The following CREBBP variants were observed in gnomAD, a reference collection of about 807,000 sequenced individuals.
The protein encoded by CREBBP is CREB-binding protein.
Under a neutral mutation model 265.0 loss-of-function variants are expected in CREBBP, and 19 were observed. The ratio of observed to expected loss-of-function variants is 0.07; its 90% CI spans 0.05 to 0.11. The LOEUF is 0.11. CREBBP is among the 10% of genes least tolerant of loss of function. The pLI is 1.00. For missense variants in CREBBP, 2,525 were observed against 3,219.0 expected (o/e 0.78, Z 5.22); for synonymous variants, 1,457 against 1,223.7 (o/e 1.19, Z -3.98).
chr16:3,728,036 C>G lies in CREBBP; in HGVS notation c.7011G>C (p.Thr2337=), dbSNP rs377692518. 1 of 1,612,028 alleles carries G rather than the reference C, an allele frequency of 6.2e-7. No homozygotes were observed. Among genetic ancestry groups the G allele is most frequent in the African/African-American group, 1.3e-5 (1 of 74,986 alleles). ...GAGACCGCACCTGGTTACTAAGGGA[C>G]GTGGCGATCTGCTGGCCAGGGAGAT... ...ASHLPGQQIA[T]SLSNQVRSPA... is the part of the protein sequence containing the mutation. Residue 2337 remains threonine (T), a synonymous_variant, in exon 31 of 31, where the codon ACG becomes ACC. Coordinates refer to ENST00000262367, the MANE Select transcript of CREBBP (RefSeq NM_004380.3). This position sits in a 1 kb window ranked among gnomAD's most constrained non-coding sequence, Gnocchi z 8.7.
chr16:3,759,469 C>A (rs775696072), intron 16 of CREBBP, among the ~76,000 whole-genome samples: 6 of 151,958 alleles, frequency 3.9e-5, no homozygotes, highest in Non-Finnish European at 7.4e-5. Flanking sequence ...TTCCTATAAG[C>A]CCCGCTACTC....
At chr16:3,809,772 G>A (rs752454801) in intron 3 of CREBBP, among the ~76,000 whole-genome samples, 21 of 152,052 alleles carry the variant, frequency 1.4e-4, no homozygotes, top group African/African-American at 4.8e-4. Flanking sequence ...ATAAAAAACC[G>A]AAAGACAAAA....
intron 3 of CREBBP, among the ~76,000 whole-genome samples, chr16:3,805,330 T>C (rs1295321599): frequency 6.6e-6 from 1 of 152,218 alleles, no homozygotes; most frequent in Non-Finnish European, 1.5e-5. Context: ...AATTTTTCTA[T>C]AGACACTGTT....
At chr16:3,879,192 T>C (rs1444686367) in intron 1 of CREBBP, among the ~76,000 whole-genome samples, 7 of 151,688 alleles carry the variant, frequency 4.6e-5, no homozygotes, top group Admixed American at 3.3e-4. Flanking sequence ...AGTTTGGGTT[T>C]TGAAAAATGG....
In CREBBP at chr16:3,731,437, T is replaced by C. The variant is rs547109428; in HGVS notation, c.4927A>G (p.Ile1643Val). ...FVIHLHAGPV[I>V]NTLPPIVDPD... ...TCGACGATGGGGGGCAGGGTGTTGA[T>C]GACAGGCCCAGCGTGCAGGTGGATC... The change falls in exon 30 of 31, where the codon ATC (isoleucine) becomes GTC (valine). Residue 1643 changes from isoleucine to valine, a missense_variant. By Grantham distance (29) the Ile-to-Val change is conservative. Around this residue, in one of 19 missense-constraint regions of CREBBP, gnomAD observed 37 missense variants for 34.1 expected, o/e 1.09. Coordinates refer to ENST00000262367, the MANE Select transcript of CREBBP (RefSeq NM_004380.3). This position sits in a 1 kb window ranked among gnomAD's most constrained non-coding sequence, Gnocchi z 7.7. 1 of 1,600,638 alleles carries C rather than the reference T, an allele frequency of 6.2e-7. No individual in the cohort carries two copies. The highest frequency in any genetic ancestry group is 8.5e-7 in the Non-Finnish European group (1 of 1,174,556).
At chr16:3,868,768 T>TATA (rs2055231897) in intron 1 of CREBBP, among the ~76,000 whole-genome samples, 1 of 152,134 alleles carries the variant, frequency 6.6e-6, no homozygotes, top group African/African-American at 2.4e-5. Flanking sequence ...ACCACGGGAC[T>TATA]GCTCACCCAC....
intron 16 of CREBBP, chr16:3,767,432 C>A (rs977826942): frequency 9.3e-6 from 5 of 538,890 alleles, no homozygotes; most frequent in Middle Eastern, 5.0e-4. Flanking sequence ...AGGACCCAGA[C>A]ACATTTCAAC....
chr16:3,767,599 G>C (rs2052886165), intron 16 of CREBBP, 121 bp downstream of exon 16: 1 of 1,346,124 alleles, frequency 7.4e-7, no homozygotes, highest in Non-Finnish European at 1.0e-6. Context: ...GGAATGGCAG[G>C]CAAGAAAGGT....
Position 3,757,389 on chromosome 16 carries a change from A to G in CREBBP, c.3610-13T>C, listed in dbSNP as rs2052612192. 1 of 1,597,592 alleles carries G rather than the reference A, an allele frequency of 6.3e-7. No individual in the cohort carries two copies. The highest frequency in any genetic ancestry group is 8.6e-7 in the Non-Finnish European group (1 of 1,166,918). On this transcript the variant is annotated splice_polypyrimidine_tract_variant and intron_variant, in intron 18 of 30. Transcript: ENST00000262367. ...GGGAAAACTCATACTGCAAAAATAA[A>G]GGAGAAATACTTTTATATAAAAATA...
At chr16:3,874,481 G>C (rs1046993426) in intron 1 of CREBBP, among the ~76,000 whole-genome samples, 1 of 152,204 alleles carries the variant, frequency 6.6e-6, no homozygotes, top group Admixed American at 6.5e-5. Flanking sequence ...TTTACAACTA[G>C]AGTTTTACTG....
chr16:3,751,965 G>A (rs2052484551), intron 19 of CREBBP, 159 bp from the exon 20 acceptor site: 3 of 711,454 alleles, frequency 4.2e-6, no homozygotes, highest in South Asian at 1.5e-5. Flanking sequence ...AGGAACAGGG[G>A]GCAGGTGGGG....
intron 25 of CREBBP, among the ~76,000 whole-genome samples, chr16:3,739,175 C>A (rs1038577848): frequency 6.6e-6 from 1 of 152,216 alleles, no homozygotes; most frequent in Admixed American, 6.5e-5. Context: ...ATGAATGGCA[C>A]CACTCGGCAC....
At position 3,735,705 on chromosome 16, in the gene CREBBP, G is replaced by A. The variant is rs1456301397; in HGVS notation, c.4728+331C>T. Among the ~76,000 whole-genome samples the A allele has an allele frequency of 5.3e-5, 8 of 152,280 alleles. No individual in the cohort carries two copies. In the South Asian group the frequency reaches 6.2e-4, roughly 12 times the overall value. ...CATGTGCAGAGTGGCCACCAAACAC[G>A]GAATAAGGCCTGGCAACCCTGTGCC... is the stretch of plus-strand genomic sequence containing the variant. On this transcript the variant is annotated intron_variant, in intron 28 of 30. Transcript: ENST00000262367.
intron 3 of CREBBP, among the ~76,000 whole-genome samples, chr16:3,798,716 C>T (rs2053654639): frequency 6.6e-6 from 1 of 152,186 alleles, no homozygotes. Flanking sequence ...AACCTGGAAT[C>T]CTCATACATT....
intron 2 of CREBBP, among the ~76,000 whole-genome samples, chr16:3,826,500 C>A (rs368724463): frequency 2.6e-3 from 391 of 152,194 alleles, no homozygotes; most frequent in African/African-American, 9.1e-3. Context: ...GCAGCATCAA[C>A]CATAGTGGTA....
rs71133657 is a variant in CREBBP, at chr16:3,802,114, A to ATTTTTTTTT, written c.975+8480_975+8488dup. 1.6e-3 allele frequency among the ~76,000 whole-genome samples: 81 copies of ATTTTTTTTT among 50,588 alleles called. 11 individuals carry two copies. Among genetic ancestry groups the ATTTTTTTTT allele is most frequent in the African/African-American group, 3.1e-3 (33 of 10,784 alleles). The allele number at this position is 50,588 out of a possible 152,430, so 33.2% of individuals were successfully genotyped here. A position where few individuals can be genotyped will look rare whatever the true frequency, so the allele number is the denominator to read the frequency against. ...TTTATATTTACTCTGGTATTCCTTA[A>ATTTTTTTTT]TTTTTTTTTTTTTTTTTTTTTTTTT... On this transcript the variant is annotated intron_variant, in intron 3 of 30. Transcript: ENST00000262367.
chr16:3,761,365 A>G (rs1340236906), intron 16 of CREBBP, among the ~76,000 whole-genome samples: 2 of 152,222 alleles, frequency 1.3e-5, no homozygotes, highest in African/African-American at 2.4e-5. Flanking sequence ...CATCAGGTAC[A>G]TGGACCTGCC....
chr16:3,803,098 T>A (rs932536210), intron 3 of CREBBP, among the ~76,000 whole-genome samples: 1 of 151,920 alleles, frequency 6.6e-6, no homozygotes, highest in Non-Finnish European at 1.5e-5. Context: ...AAACACAACA[T>A]AGCTATTTTC....
At chr16:3,815,502 C>G (rs1316729503) in intron 2 of CREBBP, among the ~76,000 whole-genome samples, 1 of 146,942 alleles carries the variant, frequency 6.8e-6, no homozygotes, top group Non-Finnish European at 1.5e-5. Context: ...TGCACTCCAG[C>G]CTGGATGACA....
Sources: allele counts gnomAD v4.1 joint callset (sites outside exome capture counted in the v4.1 genomes callset), GRCh38; gene constraint gnomAD v4.1.1; regional missense constraint gnomAD v4.1.1; non-coding constraint Gnocchi (gnomAD v3.1); transcripts MANE v1.5; gene names NCBI Gene and HGNC (gene_info 2026-07-23, HGNC 2026-07-21).